CARD9: variants seen among roughly 807,000 people sequenced by gnomAD.
The protein encoded by CARD9 is caspase recruitment domain family member 9.
A neutral mutation model predicts 66.0 loss-of-function variants in CARD9; 53 were observed. The ratio of observed to expected loss-of-function variants is 0.80; its 90% CI spans 0.64 to 1.01. CARD9 has a LOEUF of 1.01. CARD9 is among the 50% of genes least tolerant of loss of function. The pLI is 0.00. For synonymous variants in CARD9, 387 were observed against 313.8 expected, an observed-to-expected ratio of 1.23 and a Z score of -2.47; for missense variants, 769 against 743.2, an observed-to-expected ratio of 1.03 and a Z score of -0.40.
chr9:136,364,096 C>T lies in CARD9; in HGVS notation c.*206G>A, dbSNP rs868438272. 3 of 1,550,396 alleles carry T rather than the reference C, an allele frequency of 1.9e-6. No individual in the cohort carries two copies. The highest frequency in any genetic ancestry group is 3.9e-5 in the Admixed American group (2 of 50,994). On this transcript the variant is annotated 3_prime_UTR_variant, in exon 13 of 13. Transcript: ENST00000371732. ...GCGTGTGCATGGGGGTGGTGAGCAC[C>T]CGCATGGCCTCCGCAAAATGAGTGC...
chr9:136,367,450 G>A (rs1338891022), intron 8 of CARD9, 187 bp downstream of exon 8: 2 of 927,728 alleles, frequency 2.2e-6, no homozygotes, highest in African/African-American at 3.3e-5. Flanking sequence ...CGGCCCTGCA[G>A]CCCCACTTCC....
Position 136,372,173 on chromosome 9 carries a change from G to A in CARD9, c.-16-79C>T, listed in dbSNP as rs907484935. 14 of 1,559,386 alleles carry A rather than the reference G, an allele frequency of 9.0e-6. No homozygotes were observed. In the Admixed American group the frequency reaches 1.3e-4, roughly 14 times the overall value. On this transcript the variant is annotated intron_variant, in intron 1 of 12. Transcript: ENST00000371732. ...GCCCAGCTCCCACTCCTTCTCAGAC[G>A]CTGGGCCAGGGCTCTCGTCAGGGCA...
At chr9:136,368,062 C>G in intron 7 of CARD9, 2 of 1,393,086 alleles carry the variant, frequency 1.4e-6, no homozygotes, top group South Asian at 1.6e-5. Flanking sequence ...GCCTGCACCC[C>G]CGGTGGACAC....
In CARD9 at chr9:136,370,940, C is replaced by T. The variant is rs547043978; in HGVS notation, c.528G>A (p.Lys176=). The T allele has an allele frequency of 1.2e-6, 2 of 1,612,250 alleles. No homozygotes were observed. Among genetic ancestry groups the T allele is most frequent in the Admixed American group, 1.7e-5 (1 of 59,952 alleles). ...EECEAGSREL[K]RCKEENYDLA... is the part of the protein sequence containing the mutation. ...GGTCGTAGTTCTCCTCCTTGCAGCG[C>T]TTGAGCTCGCGGCTGCCGGCCTCGC... is the stretch of plus-strand genomic sequence containing the variant. Residue 176 remains lysine, a synonymous_variant, in exon 4 of 13, where the codon AAG becomes AAA. Coordinates refer to ENST00000371732, the MANE Select transcript of CARD9 (RefSeq NM_052813.5).
Position 136,364,494 on chromosome 9 carries a change from C to G in CARD9, c.1500G>C (p.Glu500Asp). ...GGCCGCCCGCCTACCTGCGGTAGTT[C>G]TCAAAACTCTCTTTGAGGCGCCGCC... ...KERRRLKESF[E>D]NYRRKRALRK... Residue 500 changes from glutamate (E) to aspartate (D), a missense_variant, in exon 12 of 13, where the codon GAG (glutamate) becomes GAC (aspartate). Coordinates refer to ENST00000371732, the MANE Select transcript of CARD9 (RefSeq NM_052813.5). The G allele has an allele frequency of 6.5e-7, 1 of 1,539,972 alleles. No homozygotes were observed. The highest frequency in any genetic ancestry group is 8.7e-7 in the Non-Finnish European group (1 of 1,146,846).
Position 136,364,048 on chromosome 9 carries a change from C to T in CARD9, c.*254G>A. 6.6e-7 allele frequency: 1 copy of T among 1,523,838 alleles called. No individual in the cohort carries two copies. The highest frequency in any genetic ancestry group is 8.9e-7 in the Non-Finnish European group (1 of 1,122,614). 94.4% of individuals were successfully genotyped at this position (1,523,838 alleles called of 1,614,324 possible). ...TTGTGTGTTACATGGTGAAACAGAACAGATCCTGAAGTTACACAGATGGCG... is the reference window on the plus strand; with the variant it reads ...TTGTGTGTTACATGGTGAAACAGAATAGATCCTGAAGTTACACAGATGGCG... On this transcript the variant is annotated 3_prime_UTR_variant, in exon 13 of 13. Transcript: ENST00000371732.
Position 136,368,120 on chromosome 9 carries a change from C to T in CARD9, c.1078-292G>A, listed in dbSNP as rs138040332. 1.0e-2 allele frequency: 10,605 copies of T among 1,064,914 alleles called. 82 individuals carry two copies. Among genetic ancestry groups the T allele is most frequent in the Non-Finnish European group, 0.011 (9,044 of 801,212 alleles). The allele number at this position is 1,064,914 out of a possible 1,614,324, so 66.0% of individuals were successfully genotyped here. A position where few individuals can be genotyped will look rare whatever the true frequency, so the allele number is the denominator to read the frequency against. On this transcript the variant is annotated intron_variant, in intron 7 of 12. Coordinates refer to ENST00000371732, the MANE Select transcript of CARD9 (RefSeq NM_052813.5). ...ACGTGCACATTTGATAAATTTTGGACGCGGCTTGATATGGAGACCCTGACT... is the reference window on the plus strand; with the variant it reads ...ACGTGCACATTTGATAAATTTTGGATGCGGCTTGATATGGAGACCCTGACT...
intron 7 of CARD9, among the ~76,000 whole-genome samples, chr9:136,368,172 C>T (rs888032834): frequency 7.9e-5 from 12 of 152,234 alleles, no homozygotes; most frequent in African/African-American, 2.9e-4. Context: ...CCTTCGTGAC[C>T]GCAGCACTCT....
At chr9:136,368,064 G>A (rs537748636) in intron 7 of CARD9, 16 of 1,389,400 alleles carry the variant, frequency 1.2e-5, no homozygotes, top group South Asian at 1.6e-5. Flanking sequence ...CTGCACCCCC[G>A]GTGGACACAG....
At chr9:136,369,944 G>A (rs1035221535) in intron 6 of CARD9, 69 bp from the exon 7 acceptor site, 192 of 1,598,482 alleles carry the variant, frequency 1.2e-4, no homozygotes, top group Middle Eastern at 1.7e-4. Flanking sequence ...GGTATACTCC[G>A]GGCAGGGGCT....
At chr9:136,369,335 A>G (rs993248429) in intron 7 of CARD9, among the ~76,000 whole-genome samples, 1 of 152,252 alleles carries the variant, frequency 6.6e-6, no homozygotes, top group Non-Finnish European at 1.5e-5. Context: ...AACCAAATAT[A>G]TAAATAGATA....
Position 136,365,146 on chromosome 9 carries a change from G to T in CARD9, c.1429C>A (p.Pro477Thr), listed in dbSNP as rs529268922. Residue 477 changes from proline to threonine, a missense_variant, in exon 11 of 13, where the codon CCC (proline) becomes ACC (threonine). Physicochemically the swap from Pro to Thr is conservative, Grantham distance 38. Transcript: ENST00000371732. ...ALHQEQVLRNPHDAGLSSGEP... is the reference protein window; with the variant it reads ...ALHQEQVLRNTHDAGLSSGEP... ...CCACCCCGGGGAAGCCTTACATGGG[G>T]GTTCCGCAAAACCTGCTCCTGGTGC... is the stretch of plus-strand genomic sequence containing the variant. 1 of 1,612,246 alleles carries T rather than the reference G, an allele frequency of 6.2e-7. No individual in the cohort carries two copies. The highest frequency in any genetic ancestry group is 2.2e-5 in the East Asian group (1 of 44,880).
chr9:136,373,402 C>T (rs1833321844), intron 1 of CARD9, 130 bp downstream of exon 1: 2 of 669,248 alleles, frequency 3.0e-6, no homozygotes, highest in Non-Finnish European at 3.7e-6. Context: ...AGGGACGGGG[C>T]CGCATGGCGG....
chr9:136,364,764 C>A, intron 11 of CARD9: 1 of 617,596 alleles, frequency 1.6e-6, no homozygotes, highest in Non-Finnish European at 2.8e-6. Context: ...TTTCAGATGC[C>A]AAGACACACC....
rs527657625 is a variant in CARD9 at position 136,373,009 on chromosome 9, A to G, written c.-17+523T>C. Among the ~76,000 whole-genome samples the G allele has an allele frequency of 4.6e-5, 7 of 152,344 alleles. No individual in the cohort carries two copies. In the East Asian group the frequency reaches 9.7e-4, roughly 21 times the overall value. ...GCCACTGCTGTCCCTTTCTGCCAGCATGGTGGGGGCCTCAGCCGCTGAAAG... is the reference window on the plus strand; with the variant it reads ...GCCACTGCTGTCCCTTTCTGCCAGCGTGGTGGGGGCCTCAGCCGCTGAAAG... On this transcript the variant is annotated intron_variant, in intron 1 of 12. Transcript: ENST00000371732.
At position 136,370,339 on chromosome 9, in the gene CARD9, G is replaced by A. The variant is rs763368197; in HGVS notation, c.906C>T (p.Phe302=). The A allele has an allele frequency of 6.2e-7, 1 of 1,609,654 alleles. No individual in the cohort carries two copies. The highest frequency in any genetic ancestry group is 8.5e-7 in the Non-Finnish European group (1 of 1,179,262). Residue 302 remains phenylalanine (F), a synonymous_variant, in exon 6 of 13, where the codon TTC becomes TTT. Coordinates refer to ENST00000371732, the MANE Select transcript of CARD9 (RefSeq NM_052813.5). ...RDHQEQANTI[F]SLRKDLRQGE... ...CCTGGCGGAGGTCCTTGCGCAGGGA[G>A]AAGATGGTGTTGGCCTGCTCCTGGT...
At chr9:136,370,780 G>A in intron 4 of CARD9, 61 bp downstream of exon 4, 1 of 1,604,860 alleles carries the variant, frequency 6.2e-7, no homozygotes, top group Non-Finnish European at 8.5e-7. Context: ...GACCGCCCCG[G>A]CCTGCAGACC....
At chr9:136,367,462 G>T in intron 8 of CARD9, 175 bp downstream of exon 8, 1 of 953,788 alleles carries the variant, frequency 1.0e-6, no homozygotes, top group Non-Finnish European at 1.6e-6. Flanking sequence ...CCCACTTCCT[G>T]CTGGGACCCT....
chr9:136,370,775 C>A (rs1334598580), intron 4 of CARD9, 66 bp downstream of exon 4: 1 of 1,605,598 alleles, frequency 6.2e-7, no homozygotes, highest in South Asian at 1.1e-5. Context: ...CCCCCGACCG[C>A]CCCGGCCTGC....
Sources: allele counts gnomAD v4.1 joint callset (sites outside exome capture counted in the v4.1 genomes callset), GRCh38; gene constraint gnomAD v4.1.1; transcripts MANE v1.5; gene names NCBI Gene and HGNC (gene_info 2026-07-23, HGNC 2026-07-21).